The following SNX8 variants were observed in gnomAD, a reference collection of about 807,000 sequenced individuals.
SNX8 encodes sorting nexin 8, also known as sorting nexin-8.
SNX8 carries 25 observed loss-of-function variants against 51.6 expected under a neutral mutation model. The ratio of observed to expected loss-of-function variants is 0.48; its 90% CI spans 0.35 to 0.68. The LOEUF (loss-of-function observed/expected upper bound fraction) is 0.68. SNX8 is among the 30% of genes least tolerant of loss of function. SNX8 has a pLI of 0.00. For missense variants in SNX8, 695 were observed against 624.0 expected (o/e 1.11, Z -1.21); for synonymous variants, 324 against 277.0 (o/e 1.17, Z -1.68).
chr7:2,267,997 G>T (rs1227639993), intron 5 of SNX8, among the ~76,000 whole-genome samples: 6 of 147,558 alleles, frequency 4.1e-5, no homozygotes, highest in South Asian at 2.2e-4. Flanking sequence ...GCCTCTGCCC[G>T]GCCGAGACCC....
At chr7:2,317,240 T>C (rs2115220163), upstream of SNX8, among the ~76,000 whole-genome samples, 1 of 129,454 alleles carries the variant, frequency 7.7e-6, no homozygotes, top group South Asian at 2.6e-4. Flanking sequence ...AAAGGAAGGA[T>C]CCTGGACCTT....
intron 5 of SNX8, among the ~76,000 whole-genome samples, chr7:2,268,597 T>TGAG (rs1795552664): frequency 9.5e-6 from 1 of 105,508 alleles, no homozygotes; most frequent in Non-Finnish European, 2.0e-5. Flanking sequence ...GGGAGGGAGG[T>TGAG]GGGGGGGTCA....
At position 2,254,996 on chromosome 7, in the gene SNX8, C is replaced by T. The variant is rs1795140306; in HGVS notation, c.*60G>A. 8.9e-7 allele frequency: 1 copy of T among 1,121,624 alleles called. No homozygotes were observed. The highest frequency in any genetic ancestry group is 1.5e-5 in the African/African-American group (1 of 64,890). 69.5% of individuals were successfully genotyped at this position (1,121,624 alleles called of 1,614,324 possible). A position where few individuals can be genotyped will look rare whatever the true frequency, so the allele number is the denominator to read the frequency against. On this transcript the variant is annotated 3_prime_UTR_variant, in exon 11 of 11. Coordinates refer to ENST00000222990, the MANE Select transcript of SNX8 (RefSeq NM_013321.4). ...CCGTCCAAAGGGAATTACACCGGGACACACCGTTTGGAAAGAGGTTTTAGT... is the reference window on the plus strand; with the variant it reads ...CCGTCCAAAGGGAATTACACCGGGATACACCGTTTGGAAAGAGGTTTTAGT...
At chr7:2,318,944 G>T (rs1326397343), upstream of SNX8, among the ~76,000 whole-genome samples, 1 of 152,004 alleles carries the variant, frequency 6.6e-6, no homozygotes, top group Non-Finnish European at 1.5e-5. Flanking sequence ...GGATGTCAAG[G>T]CTGTGGTGAG....
At chr7:2,334,830 T>G (rs1424350309) in intron 1 of SNX8, among the ~76,000 whole-genome samples, 1 of 131,294 alleles carries the variant, frequency 7.6e-6, no homozygotes, top group East Asian at 2.2e-4. Context: ...ATTGCACCAC[T>G]GCACTCCAGC....
chr7:2,275,288 T>C, intron 2 of SNX8, 59 bp from the exon 3 acceptor site: 1 of 1,156,032 alleles, frequency 8.7e-7, no homozygotes, highest in South Asian at 1.2e-5. Context: ...TCGCGTCACT[T>C]CCCCTCAACA....
chr7:2,332,743 A>AAAGGAAGGAAGGAAGGAAGGAAGG (rs57859551), intron 1 of SNX8, among the ~76,000 whole-genome samples: 75 of 140,384 alleles, frequency 5.3e-4, no homozygotes, highest in African/African-American at 1.9e-3. Context: ...GAGAGAGAGA[A>AAAGGAAGGAAGGAAGGAAGGAAGG]AAGGAAGGAA....
chr7:2,277,993 G>T (rs1675978122), intron 2 of SNX8, 107 bp downstream of exon 2: 1 of 1,482,664 alleles, frequency 6.7e-7, no homozygotes, highest in Admixed American at 2.2e-5. Context: ...CAGCCACACA[G>T]ACTCACCCTT....
chr7:2,326,817 C>T (rs957723840), intron 1 of SNX8, among the ~76,000 whole-genome samples: 1 of 150,850 alleles, frequency 6.6e-6, no homozygotes, highest in Admixed American at 6.6e-5. Flanking sequence ...AGAAAAGTAT[C>T]GCCAGGGGCT....
At chr7:2,286,320 A>G (rs1796027406) in intron 1 of SNX8, among the ~76,000 whole-genome samples, 1 of 151,884 alleles carries the variant, frequency 6.6e-6, no homozygotes, top group Non-Finnish European at 1.5e-5. Context: ...CCTAGGTCGT[A>G]TACTTTAAAC....
chr7:2,276,126 T>C (rs1795774547), intron 2 of SNX8, among the ~76,000 whole-genome samples: 1 of 151,760 alleles, frequency 6.6e-6, no homozygotes, highest in South Asian at 2.1e-4. Flanking sequence ...TATGTGGCAA[T>C]GAATTTACTT....
At chr7:2,269,844 A>G (rs1174552686) in intron 4 of SNX8, among the ~76,000 whole-genome samples, 1 of 152,142 alleles carries the variant, frequency 6.6e-6, no homozygotes, top group African/African-American at 2.4e-5. Flanking sequence ...GCTTCACAGC[A>G]GGAGCACCAC....
At chr7:2,338,427 A>C (rs962305957) in intron 1 of SNX8, among the ~76,000 whole-genome samples, 2 of 150,908 alleles carry the variant, frequency 1.3e-5, no homozygotes, top group African/African-American at 4.9e-5. Context: ...ATGCCACTGC[A>C]CTCTAGCCTG....
chr7:2,346,899 G>A (rs529039998), intron 1 of SNX8, among the ~76,000 whole-genome samples: 8 of 128,632 alleles, frequency 6.2e-5, no homozygotes, highest in East Asian at 2.3e-4. Context: ...CAGCCTGGGC[G>A]ACAGAGATTG....
intron 1 of SNX8, among the ~76,000 whole-genome samples, chr7:2,331,314 C>T (rs1192248396): frequency 1.3e-5 from 2 of 151,758 alleles, no homozygotes; most frequent in East Asian, 3.9e-4. Flanking sequence ...TCTGATTTAG[C>T]CATATTGTAA....
At chr7:2,301,530 G>A (rs559782542) in intron 1 of SNX8, among the ~76,000 whole-genome samples, 49 of 152,198 alleles carry the variant, frequency 3.2e-4, no homozygotes, top group Non-Finnish European at 5.9e-4. Flanking sequence ...ACCCAGAGCA[G>A]CAACTTAGAG....
chr7:2,315,899 C>A (rs538863326), upstream of SNX8, among the ~76,000 whole-genome samples: 2 of 151,156 alleles, frequency 1.3e-5, no homozygotes, highest in Admixed American at 6.6e-5. Context: ...CTGCATCCTG[C>A]ATTCATTCAT....
intron 1 of SNX8, among the ~76,000 whole-genome samples, chr7:2,323,207 G>GTA (rs1280940577): frequency 4.0e-5 from 6 of 151,652 alleles, no homozygotes; most frequent in African/African-American, 1.5e-4. Context: ...GCAGGTGCCT[G>GTA]TAATCCCATC....
At chr7:2,268,594 A>G (rs1584679806) in intron 5 of SNX8, among the ~76,000 whole-genome samples, 2 of 129,446 alleles carry the variant, frequency 1.5e-5, no homozygotes, top group Non-Finnish European at 1.6e-5. Flanking sequence ...TCCGGGAGGG[A>G]GGTGGGGGGG....
Sources: gnomAD v4.1 joint callset for allele counts (sites outside exome capture counted in the v4.1 genomes callset) on GRCh38, gnomAD v4.1.1 for gene constraint, MANE v1.5 for transcripts, NCBI Gene and HGNC (gene_info 2026-07-23, HGNC 2026-07-21) for gene names.